Variants in ISM2 observed in about 807,000 individuals in gnomAD.
ISM2 encodes isthmin 2, also known as isthmin-2.
In ISM2, 50 loss-of-function variants were observed where a neutral mutation model predicts 58.0. That is an observed-to-expected ratio of 0.86 (90% CI 0.69 to 1.09). ISM2 has a LOEUF of 1.09. Ranked by LOEUF, ISM2 falls within the 50% of genes least tolerant of loss-of-function variation. The probability of loss-of-function intolerance (pLI) is 0.00; values close to 1 mark genes in which losing one functional copy is unlikely to be tolerated. For missense variants in ISM2, 723 were observed against 745.0 expected (o/e 0.97, Z 0.34); for synonymous variants, 303 against 312.4 (o/e 0.97, Z 0.32).
rs901182599 is a variant in ISM2, at chr14:77,474,690, A to C, written c.*905T>G. 1 of 152,266 alleles carries C rather than the reference A, an allele frequency of 6.6e-6. No homozygotes were observed. The highest frequency in any genetic ancestry group is 1.5e-5 in the Non-Finnish European group (1 of 68,068). 9.4% of individuals were successfully genotyped at this position (152,266 alleles called of 1,614,324 possible). On this transcript the variant is annotated 3_prime_UTR_variant, in exon 7 of 7. Transcript: ENST00000342219. Reference sequence around the variant, plus strand: ...ACACTGCTGGGAGAATTTACACCACAGAAGCTGCCCAAATGCAATAAATCA... The same window carrying C: ...ACACTGCTGGGAGAATTTACACCACCGAAGCTGCCCAAATGCAATAAATCA...
chr14:77,478,788 C>A, intron 4 of ISM2, 73 bp from the exon 5 acceptor site: 1 of 1,494,416 alleles, frequency 6.7e-7, no homozygotes, highest in Admixed American at 1.7e-5. Flanking sequence ...CAGCACAGGG[C>A]ACCCTTTCCT....
chr14:77,476,232 G>A, intron 6 of ISM2, 120 bp from the exon 7 acceptor site: 1 of 1,144,882 alleles, frequency 8.7e-7, no homozygotes, highest in Non-Finnish European at 1.2e-6. Flanking sequence ...CTGGTGCAAA[G>A]GCGTGGCTTG....
chr14:77,475,955 G>C lies in ISM2; in HGVS notation c.1356C>G (p.Ser452Arg). ...VSLQDEHQGR[S>R]FRWRDASGPR... ...GGCCACTGGCATCCCTCCACCGGAA[G>C]CTGCGGCCCTGGTGCTCGTCCTGTA... The change falls in exon 7 of 7, where the codon AGC (serine) becomes AGG (arginine). Residue 452 changes from serine (S) to arginine (R), a missense_variant. By Grantham distance (110) the Ser-to-Arg change is moderately radical. Transcript: ENST00000342219. This position sits in a 1 kb window ranked among gnomAD's most constrained non-coding sequence, Gnocchi z 4.1. 1 of 1,598,440 alleles carries C rather than the reference G, an allele frequency of 6.3e-7. No individual in the cohort carries two copies. The highest frequency in any genetic ancestry group is 8.5e-7 in the Non-Finnish European group (1 of 1,179,184).
In ISM2 at chr14:77,485,027, T is replaced by C. The variant is rs1594950599; in HGVS notation, c.142-108A>G. The stretch of plus-strand genomic sequence containing the variant: ...GGAGCCCTGGGGTCTGACCGGGTCA[T>C]AAACTCACCCTGTGACTTACATCTC... On this transcript the variant is annotated intron_variant, in intron 1 of 6. Transcript: ENST00000342219. 6.9e-6 allele frequency: 8 copies of C among 1,158,744 alleles called. No individual in the cohort carries two copies. In the East Asian group the frequency reaches 1.7e-4, roughly 24 times the overall value. 71.8% of individuals were successfully genotyped at this position (1,158,744 alleles called of 1,614,324 possible).
chr14:77,492,755 C>T (rs1021238273), intron 1 of ISM2, among the ~76,000 whole-genome samples: 1 of 152,066 alleles, frequency 6.6e-6, no homozygotes, highest in Non-Finnish European at 1.5e-5. Context: ...CGCCTGTAAT[C>T]CCAGAACTTT....
chr14:77,495,041 C>T (rs991663811), intron 1 of ISM2, among the ~76,000 whole-genome samples: 6 of 151,888 alleles, frequency 4.0e-5, no homozygotes, highest in East Asian at 1.9e-4. Context: ...CGCACCATCA[C>T]GCTCAGCTAA....
In ISM2 at chr14:77,484,758, C is replaced by G; in HGVS notation, c.303G>C (p.Glu101Asp). 1 of 1,612,864 alleles carries G rather than the reference C, an allele frequency of 6.2e-7. No homozygotes were observed. Among genetic ancestry groups the G allele is most frequent in the South Asian group, 1.1e-5 (1 of 91,008 alleles). Residue 101 changes from glutamate to aspartate, a missense_variant, in exon 2 of 7, where the codon GAG becomes GAC. Coordinates refer to ENST00000342219, the MANE Select transcript of ISM2 (RefSeq NM_199296.3). ...PGNATPPRTP[E>D]VTPLRLELQK... Reference sequence around the variant, plus strand: ...GCAGCTCCAGCCGCAACGGAGTAACCTCTGGGGTCCTGGGAGGGGTGGCGT... The same window carrying G: ...GCAGCTCCAGCCGCAACGGAGTAACGTCTGGGGTCCTGGGAGGGGTGGCGT...
intron 3 of ISM2, 47 bp downstream of exon 3, chr14:77,484,276 T>G (rs1366732631): frequency 1.9e-6 from 3 of 1,589,630 alleles, no homozygotes; most frequent in Non-Finnish European, 2.6e-6. Context: ...TCAGCCCCGC[T>G]CCTCTCCGGG....
At chr14:77,487,850 C>A (rs2079177725) in intron 1 of ISM2, among the ~76,000 whole-genome samples, 1 of 152,136 alleles carries the variant, frequency 6.6e-6, no homozygotes, top group South Asian at 2.1e-4. Flanking sequence ...TGCAGCCAAT[C>A]CCCCTGGGCT....
intron 5 of ISM2, 101 bp downstream of exon 5, chr14:77,478,473 TC>T: frequency 6.7e-7 from 1 of 1,495,124 alleles, no homozygotes; most frequent in Non-Finnish European, 9.2e-7. Context: ...TTTTTGAGCT[TC>T]CTGCATCCCA....
chr14:77,478,405 T>C (rs981580423), intron 5 of ISM2, 80 bp from the exon 6 acceptor site: 1 of 1,460,910 alleles, frequency 6.8e-7, no homozygotes, highest in South Asian at 1.2e-5. Context: ...CCCACCTCAA[T>C]AGGCTCTCAG....
chr14:77,496,356 C>T lies in ISM2; in HGVS notation c.141+2297G>A, dbSNP rs1287253730. Among the ~76,000 whole-genome samples the T allele has an allele frequency of 7.2e-5, 11 of 151,744 alleles. No homozygotes were observed. The South Asian group carries it at 1.5e-3, about 20-fold the overall frequency. On this transcript the variant is annotated intron_variant, in intron 1 of 6. Transcript: ENST00000342219. ...ATACAAAATTAGCTGGGTGTGGTGGCGCATGCCTGTAATCCTAGCTACTCG... is the reference window on the plus strand; with the variant it reads ...ATACAAAATTAGCTGGGTGTGGTGGTGCATGCCTGTAATCCTAGCTACTCG...
chr14:77,488,911 C>G (rs2079184149), intron 1 of ISM2, among the ~76,000 whole-genome samples: 1 of 152,152 alleles, frequency 6.6e-6, no homozygotes, highest in African/African-American at 2.4e-5. Context: ...ACAAGACCAC[C>G]TCTCTCCATC....
At chr14:77,497,782 G>GGAAA (rs2079256410) in intron 1 of ISM2, among the ~76,000 whole-genome samples, 1 of 109,822 alleles carries the variant, frequency 9.1e-6, no homozygotes, top group African/African-American at 4.0e-5. Flanking sequence ...AAGGAAGGAA[G>GGAAA]GAAGGAAGGA....
rs1384629410 is a variant in ISM2, at chr14:77,484,304, G to A, written c.627+19C>T. On this transcript the variant is annotated intron_variant, in intron 3 of 6. Coordinates refer to ENST00000342219, the MANE Select transcript of ISM2 (RefSeq NM_199296.3). ...TCTCCGGGTGTCTGCAGGGCTGCTG[G>A]CCCTTCTGTAGCTCTCACCTGGTTA... The A allele has an allele frequency of 1.2e-6, 2 of 1,606,602 alleles. No individual in the cohort carries two copies. Among genetic ancestry groups the A allele is most frequent in the South Asian group, 2.2e-5 (2 of 89,906 alleles).
chr14:77,476,194 G>A, intron 6 of ISM2, 82 bp from the exon 7 acceptor site: 2 of 1,433,562 alleles, frequency 1.4e-6, no homozygotes, highest in South Asian at 2.8e-5. Context: ...AAGGGCCAGT[G>A]CATGGGGAGA....
intron 4 of ISM2, among the ~76,000 whole-genome samples, chr14:77,480,389 C>T (rs948570540): frequency 6.6e-6 from 1 of 152,068 alleles, no homozygotes; most frequent in East Asian, 1.9e-4. Context: ...GTGGCTGGGC[C>T]CAAATCCTCA....
At chr14:77,488,499 T>C (rs2079181557) in intron 1 of ISM2, among the ~76,000 whole-genome samples, 1 of 152,094 alleles carries the variant, frequency 6.6e-6, no homozygotes, top group Admixed American at 6.6e-5. Flanking sequence ...CTGAATGTGG[T>C]GGAAATGAGT....
intron 1 of ISM2, among the ~76,000 whole-genome samples, chr14:77,487,440 C>T (rs12884353): frequency 0.56 from 84,639 of 151,930 alleles, 26,804 homozygotes; most frequent in East Asian, 0.93. Context: ...AAGCCTAGCC[C>T]AGGCCCTGCT....
Sources: gnomAD v4.1 joint callset for allele counts (sites outside exome capture counted in the v4.1 genomes callset) on GRCh38, gnomAD v4.1.1 for gene constraint, Gnocchi (gnomAD v3.1) non-coding constraint, MANE v1.5 for transcripts, NCBI Gene and HGNC (gene_info 2026-07-23, HGNC 2026-07-21) for gene names.